The following SIL1 variants were observed in gnomAD, a reference collection of about 807,000 sequenced individuals.
The protein encoded by SIL1 is nucleotide exchange factor SIL1.
In SIL1, 40 loss-of-function variants were observed where a neutral mutation model predicts 49.1. The observed-to-expected ratio is 0.81, with a 90% CI of 0.63 to 1.06. The LOEUF is 1.06. SIL1 is among the 50% of genes least tolerant of loss of function. SIL1 has a pLI of 0.00. For missense variants in SIL1, 500 were observed against 572.6 expected (o/e 0.87, Z 1.29); for synonymous variants, 253 against 250.8 (o/e 1.01, Z -0.08).
At chr5:138,979,063 AATTTT>A (rs1767454791) in intron 7 of SIL1, among the ~76,000 whole-genome samples, 1 of 149,834 alleles carries the variant, frequency 6.7e-6, no homozygotes. Context: ...AATTTAATTT[AATTTT>A]ATTTTATTTT....
chr5:139,125,536 A>G (rs2151795462), intron 2 of SIL1, among the ~76,000 whole-genome samples: 1 of 152,330 alleles, frequency 6.6e-6, no homozygotes, highest in East Asian at 1.9e-4. Context: ...AAATTAAACC[A>G]TAGAAGCAGC....
intron 7 of SIL1, among the ~76,000 whole-genome samples, chr5:139,008,009 T>C (rs1475392801): frequency 6.6e-6 from 1 of 152,076 alleles, no homozygotes; most frequent in Non-Finnish European, 1.5e-5. Flanking sequence ...TCTTTTTCTA[T>C]TGATTGGAAT....
At chr5:139,021,140 T>A in intron 7 of SIL1, 31 bp downstream of exon 7, 1 of 1,614,098 alleles carries the variant, frequency 6.2e-7, no homozygotes, top group Non-Finnish European at 8.5e-7. Flanking sequence ...CAAGCAATTC[T>A]GGCCATTGGG....
intron 1 of SIL1, among the ~76,000 whole-genome samples, chr5:139,144,956 A>C (rs1405452386): frequency 1.3e-5 from 2 of 152,230 alleles, no homozygotes; most frequent in South Asian, 4.1e-4. Flanking sequence ...TGATTTCTTA[A>C]ATATTACACT....
At chr5:139,086,467 C>T (rs1275940635) in intron 3 of SIL1, among the ~76,000 whole-genome samples, 2 of 151,638 alleles carry the variant, frequency 1.3e-5, no homozygotes, top group Non-Finnish European at 2.9e-5. Flanking sequence ...CAGGTTCAAA[C>T]AATTCTCCTG....
Position 138,992,825 on chromosome 5 carries a change from T to C in SIL1, c.767+28346A>G, listed in dbSNP as rs549459397. ...TCAGAAATCACCACTAAAGAACTTA[T>C]CCAGGCAACTAAACACCACCTGTTC... On this transcript the variant is annotated intron_variant, in intron 7 of 9. Transcript: ENST00000394817. Among the ~76,000 whole-genome samples, 7 of 151,966 alleles carry C rather than the reference T, an allele frequency of 4.6e-5. No individual in the cohort carries two copies. The East Asian group carries it at 1.4e-3, about 29-fold the overall frequency.
At chr5:139,094,105 G>A (rs1186676182) in intron 3 of SIL1, among the ~76,000 whole-genome samples, 3 of 152,164 alleles carry the variant, frequency 2.0e-5, no homozygotes, top group East Asian at 1.9e-4. Flanking sequence ...TGAACACATC[G>A]TGTTTCTGTA....
At chr5:139,037,949 G>A (rs1040486752) in intron 5 of SIL1, among the ~76,000 whole-genome samples, 6 of 152,218 alleles carry the variant, frequency 3.9e-5, no homozygotes, top group African/African-American at 7.2e-5. Context: ...ATCAAGGAAT[G>A]AGTCGACGTG....
chr5:139,060,385 G>A (rs1769559470), intron 3 of SIL1, among the ~76,000 whole-genome samples: 1 of 152,002 alleles, frequency 6.6e-6, no homozygotes, highest in African/African-American at 2.4e-5. Flanking sequence ...ATAAATAACA[G>A]TTTTTTCTGA....
intron 3 of SIL1, among the ~76,000 whole-genome samples, chr5:139,097,296 G>C (rs1465299370): frequency 6.6e-6 from 1 of 152,068 alleles, no homozygotes; most frequent in African/African-American, 2.4e-5. Flanking sequence ...CTGAAGGGAA[G>C]GATATGGGCC....
At chr5:139,036,630 A>C (rs1768917222) in intron 5 of SIL1, among the ~76,000 whole-genome samples, 1 of 152,202 alleles carries the variant, frequency 6.6e-6, no homozygotes, top group Admixed American at 6.5e-5. Flanking sequence ...CTCTCTTATA[A>C]GTGGGAGTTA....
chr5:139,115,790 C>T (rs1427073058), intron 3 of SIL1, among the ~76,000 whole-genome samples: 1 of 152,164 alleles, frequency 6.6e-6, no homozygotes, highest in African/African-American at 2.4e-5. Context: ...GAGAGCCATT[C>T]TAGCAAATTA....
chr5:139,097,400 A>C (rs1300042874), intron 3 of SIL1, among the ~76,000 whole-genome samples: 1 of 152,150 alleles, frequency 6.6e-6, no homozygotes, highest in Non-Finnish European at 1.5e-5. Context: ...GGAATAACTT[A>C]AAGACTCCCC....
chr5:139,069,275 G>A (rs535328822), intron 3 of SIL1, among the ~76,000 whole-genome samples: 50 of 151,946 alleles, frequency 3.3e-4, no homozygotes, highest in East Asian at 1.9e-3. Context: ...GTAACAGAGC[G>A]AGATTCTGCC....
chr5:138,987,710 C>A (rs1767675588), intron 7 of SIL1, among the ~76,000 whole-genome samples: 1 of 152,302 alleles, frequency 6.6e-6, no homozygotes, highest in South Asian at 2.1e-4. Flanking sequence ...TCATCCCCTA[C>A]CCTGAGGATA....
intron 7 of SIL1, among the ~76,000 whole-genome samples, chr5:138,957,299 G>C (rs1317178950): frequency 6.6e-6 from 1 of 151,836 alleles, no homozygotes; most frequent in Non-Finnish European, 1.5e-5. Context: ...GGCCAGGTGT[G>C]GTGGCTCATG....
intron 3 of SIL1, among the ~76,000 whole-genome samples, chr5:139,080,165 A>C (rs1770041956): frequency 6.6e-6 from 1 of 152,268 alleles, no homozygotes; most frequent in African/African-American, 2.4e-5. Flanking sequence ...TGCTGGATAC[A>C]GATTTTACCA....
intron 7 of SIL1, among the ~76,000 whole-genome samples, chr5:138,970,202 C>T (rs560761965): frequency 2.6e-4 from 40 of 152,340 alleles, no homozygotes; most frequent in South Asian, 2.1e-3. Context: ...TTCACTGCCA[C>T]CAACAAAGGC....
At chr5:138,986,600 G>A (rs1194550259) in intron 7 of SIL1, among the ~76,000 whole-genome samples, 1 of 152,132 alleles carries the variant, frequency 6.6e-6, no homozygotes, top group Non-Finnish European at 1.5e-5. Flanking sequence ...GGCACTGATT[G>A]GGCAGAATCA....
Sources: allele counts gnomAD v4.1 joint callset (sites outside exome capture counted in the v4.1 genomes callset), GRCh38; gene constraint gnomAD v4.1.1; transcripts MANE v1.5; gene names NCBI Gene and HGNC (gene_info 2026-07-23, HGNC 2026-07-21).